The following FHIT variants were observed in gnomAD, a reference collection of about 807,000 sequenced individuals.
FHIT encodes the protein fragile histidine triad diadenosine triphosphatase, also known as bis(5'-adenosyl)-triphosphatase.
Under a neutral mutation model 17.9 loss-of-function variants are expected in FHIT, and 19 were observed. The ratio of observed to expected loss-of-function variants is 1.06; its 90% CI spans 0.74 to 1.56. The LOEUF (loss-of-function observed/expected upper bound fraction) is 1.56, where lower values mean the gene tolerates loss of function less well. FHIT is among the 40% of genes most tolerant of loss of function. FHIT has a pLI of 0.00. For missense variants in FHIT, 248 were observed against 189.2 expected (o/e 1.31, Z -1.82); for synonymous variants, 81 against 69.7 (o/e 1.16, Z -0.81).
intron 8 of FHIT, among the ~76,000 whole-genome samples, chr3:59,856,418 C>T (rs1032251376): frequency 6.6e-6 from 1 of 152,088 alleles, no homozygotes; most frequent in African/African-American, 2.4e-5. Flanking sequence ...GCAAACTCTT[C>T]CATATGATAG....
chr3:61,247,893 C>T (rs531477222), intron 1 of FHIT, among the ~76,000 whole-genome samples: 1 of 152,152 alleles, frequency 6.6e-6, no homozygotes, highest in African/African-American at 2.4e-5. Context: ...GCTTATTATC[C>T]CTATTTTAAG....
At chr3:60,348,586 T>C (rs1365397838) in intron 5 of FHIT, among the ~76,000 whole-genome samples, 1 of 152,178 alleles carries the variant, frequency 6.6e-6, no homozygotes, top group East Asian at 1.9e-4. Flanking sequence ...GACACACACA[T>C]GTGTAAGTAT....
At chr3:60,450,037 A>C (rs1480887975) in intron 5 of FHIT, among the ~76,000 whole-genome samples, 1 of 151,068 alleles carries the variant, frequency 6.6e-6, no homozygotes, top group Non-Finnish European at 1.5e-5. Flanking sequence ...TAAAAGGTAG[A>C]AAATGAAAAT....
At chr3:60,607,732 C>G (rs1395783562) in intron 4 of FHIT, among the ~76,000 whole-genome samples, 2 of 152,066 alleles carry the variant, frequency 1.3e-5, no homozygotes, top group Non-Finnish European at 1.5e-5. Context: ...ACTAATTTCA[C>G]TAATTTAGGA....
At chr3:60,178,411 C>A in intron 5 of FHIT, among the ~76,000 whole-genome samples, 1 of 151,950 alleles carries the variant, frequency 6.6e-6, no homozygotes, top group Non-Finnish European at 1.5e-5. Context: ...ACATGGTGAA[C>A]CCTTTCTGTA....
chr3:59,856,695 A>C (rs1702171060), intron 8 of FHIT, among the ~76,000 whole-genome samples: 1 of 152,174 alleles, frequency 6.6e-6, no homozygotes, highest in South Asian at 2.1e-4. Context: ...ATGTTATCTA[A>C]TTTCTCTAAG....
At chr3:60,809,776 T>G (rs1210951342) in intron 4 of FHIT, among the ~76,000 whole-genome samples, 1 of 152,110 alleles carries the variant, frequency 6.6e-6, no homozygotes, top group Non-Finnish European at 1.5e-5. Flanking sequence ...GTGAGCAGGG[T>G]TGATGATAAC....
intron 5 of FHIT, among the ~76,000 whole-genome samples, chr3:60,467,013 T>C (rs2032834409): frequency 6.6e-6 from 1 of 151,974 alleles, no homozygotes; most frequent in Non-Finnish European, 1.5e-5. Flanking sequence ...AGCGCTTTTC[T>C]TTGCTGAGCG....
intron 7 of FHIT, among the ~76,000 whole-genome samples, chr3:59,950,106 T>C (rs1707039389): frequency 6.6e-6 from 1 of 152,202 alleles, no homozygotes; most frequent in Non-Finnish European, 1.5e-5. Context: ...AGGAAATGAA[T>C]ACTCCTCCCT....
chr3:61,042,000 G>A (rs1384257530), intron 3 of FHIT, 47 bp downstream of exon 3: 2 of 152,216 alleles, frequency 1.3e-5, no homozygotes, highest in Non-Finnish European at 2.9e-5. Flanking sequence ...ACTTTAGCCA[G>A]TGGCATATGT....
intron 8 of FHIT, among the ~76,000 whole-genome samples, chr3:59,765,775 T>C (rs554862860): frequency 6.6e-6 from 1 of 152,330 alleles, no homozygotes; most frequent in Admixed American, 6.5e-5. Flanking sequence ...AAGACATGCA[T>C]GAGAATGTTC....
chr3:60,296,540 A>G (rs1708220176), intron 5 of FHIT, among the ~76,000 whole-genome samples: 1 of 152,056 alleles, frequency 6.6e-6, no homozygotes. Flanking sequence ...GTTCATTATA[A>G]ATGTTAGATA....
intron 5 of FHIT, among the ~76,000 whole-genome samples, chr3:60,426,319 G>A (rs1242035918): frequency 2.6e-5 from 4 of 152,132 alleles, no homozygotes; most frequent in Admixed American, 6.6e-5. Flanking sequence ...AGAAGAGAAA[G>A]ATCTCCATTG....
Position 60,141,939 on chromosome 3 carries a change from G to A in FHIT, c.104-127787C>T, listed in dbSNP as rs1700054960. Among the ~76,000 whole-genome samples, 3 of 152,124 alleles carry A rather than the reference G, an allele frequency of 2.0e-5. 1 individual carries two copies. Among genetic ancestry groups the A allele is most frequent in the African/African-American group, 7.2e-5 (3 of 41,424 alleles). On this transcript the variant is annotated intron_variant, in intron 5 of 9. Transcript: ENST00000492590. ...AACTGTAGTGATTGGAACGCCAAGT[G>A]TCAGAGTTTAAAATGGTATTTTTAA...
intron 5 of FHIT, among the ~76,000 whole-genome samples, chr3:60,182,650 G>A (rs1382201347): frequency 6.6e-6 from 1 of 152,034 alleles, no homozygotes; most frequent in African/African-American, 2.4e-5. Context: ...AGGCACAGCA[G>A]CACAAACCTG....
At chr3:60,212,453 C>G (rs1703498954) in intron 5 of FHIT, among the ~76,000 whole-genome samples, 1 of 152,164 alleles carries the variant, frequency 6.6e-6, no homozygotes, top group African/African-American at 2.4e-5. Context: ...ACTCCCTTGT[C>G]TGTAATAGAG....
At chr3:61,141,851 T>C (rs1003608955) in intron 2 of FHIT, among the ~76,000 whole-genome samples, 2 of 151,760 alleles carry the variant, frequency 1.3e-5, no homozygotes, top group Admixed American at 1.3e-4. Context: ...AATAGAATAC[T>C]TGGTTACTCA....
intron 8 of FHIT, among the ~76,000 whole-genome samples, chr3:59,887,336 C>G (rs1703668432): frequency 6.6e-6 from 1 of 152,156 alleles, no homozygotes. Context: ...TGGGGAAGAA[C>G]AGGATCTAAA....
chr3:59,955,568 C>T (rs1461385196), intron 7 of FHIT, among the ~76,000 whole-genome samples: 1 of 152,142 alleles, frequency 6.6e-6, no homozygotes, highest in East Asian at 1.9e-4. Context: ...ATCAAACTAC[C>T]TGCTTGAGAT....
Sources: gnomAD v4.1 joint callset for allele counts (sites outside exome capture counted in the v4.1 genomes callset) on GRCh38, gnomAD v4.1.1 for gene constraint, MANE v1.5 for transcripts, NCBI Gene and HGNC (gene_info 2026-07-23, HGNC 2026-07-21) for gene names.